Variants in BMP3 observed in about 807,000 individuals in gnomAD.
The protein encoded by BMP3 is bone morphogenetic protein 3 (osteogenic).
Under a neutral mutation model 38.1 loss-of-function variants are expected in BMP3, and 23 were observed. That is an observed-to-expected ratio of 0.60 (90% CI 0.43 to 0.86). The LOEUF is 0.86. Ranked by LOEUF, BMP3 falls within the 40% of genes least tolerant of loss-of-function variation. BMP3 has a pLI of 0.00. For synonymous variants in BMP3, 258 were observed against 225.7 expected, an observed-to-expected ratio of 1.14 and a Z score of -1.28; for missense variants, 628 against 579.6, an observed-to-expected ratio of 1.08 and a Z score of -0.86.
intron 2 of BMP3, 91 bp from the exon 3 acceptor site, chr4:81,053,254 T>C: frequency 1.0e-6 from 1 of 962,454 alleles, no homozygotes. Flanking sequence ...TGAAACAAAT[T>C]CATTAGATAA....
chr4:81,032,203 A>AAC (rs1266110771), intron 1 of BMP3, among the ~76,000 whole-genome samples: 12 of 104,250 alleles, frequency 1.2e-4, no homozygotes, highest in African/African-American at 5.5e-4. Flanking sequence ...GCAAAAAAAA[A>AAC]AAAAAAAAAA....
Position 81,056,677 on chromosome 4 carries a change from C to T in BMP3, c.*3141C>T, listed in dbSNP as rs1310728620. On this transcript the variant is annotated 3_prime_UTR_variant, in exon 3 of 3. Transcript: ENST00000282701. ...AGAACTTAAACTGGAAGACTGGATT[C>T]CTCAGATCTCAGGACTATAACATTC... 1 of 152,558 alleles carries T rather than the reference C, an allele frequency of 6.6e-6. No individual in the cohort carries two copies. Among genetic ancestry groups the T allele is most frequent in the Non-Finnish European group, 1.5e-5 (1 of 68,020 alleles). The allele number at this position is 152,558 out of a possible 1,614,324, so 9.5% of individuals were successfully genotyped here.
At chr4:81,038,090 T>C (rs1219841743) in intron 1 of BMP3, among the ~76,000 whole-genome samples, 1 of 152,208 alleles carries the variant, frequency 6.6e-6, no homozygotes, top group African/African-American at 2.4e-5. Context: ...GAATTGATTA[T>C]CATGTTATTC....
intron 2 of BMP3, among the ~76,000 whole-genome samples, chr4:81,052,275 A>C (rs1279597469): frequency 6.6e-6 from 1 of 152,132 alleles, no homozygotes; most frequent in Non-Finnish European, 1.5e-5. Context: ...TGTGTTTAAA[A>C]CAAAACTACT....
At chr4:81,051,719 A>G (rs1740403373) in intron 2 of BMP3, among the ~76,000 whole-genome samples, 1 of 152,182 alleles carries the variant, frequency 6.6e-6, no homozygotes, top group African/African-American at 2.4e-5. Flanking sequence ...AGGGCATACA[A>G]TGTGCAAAAT....
chr4:81,031,638 G>A (rs1237314000), intron 1 of BMP3, 38 bp downstream of exon 1: 3 of 1,508,652 alleles, frequency 2.0e-6, no homozygotes, highest in Non-Finnish European at 2.6e-6. Context: ...CCGCGGTCCC[G>A]CCCCAGCTTT....
At chr4:81,037,397 C>G (rs1035918959) in intron 1 of BMP3, 12 of 248,854 alleles carry the variant, frequency 4.8e-5, no homozygotes, top group Middle Eastern at 4.3e-4. Context: ...TTACCTAAAG[C>G]TAAGTGTTAG....
In BMP3 at chr4:81,045,678, CAT is replaced by C. The variant is rs953045069; in HGVS notation, c.317-56_317-55del. ...TTCTGATTCATTTTGAGTTAATTGT[CAT>C]ATAGTGAAGTAATGGTCTTGTTTTC... On this transcript the variant is annotated intron_variant, in intron 1 of 2. Transcript: ENST00000282701. The C allele has an allele frequency of 4.4e-6, 6 of 1,352,484 alleles. No individual in the cohort carries two copies. The Admixed American group carries it at 9.4e-5, about 21-fold the overall frequency. 83.8% of individuals were successfully genotyped at this position (1,352,484 alleles called of 1,614,324 possible).
rs1739767315 is a variant in BMP3 at position 81,031,514 on chromosome 4, G to T, written c.230G>T (p.Gly77Val). 1 of 1,612,530 alleles carries T rather than the reference G, an allele frequency of 6.2e-7. No individual in the cohort carries two copies. The change falls in exon 1 of 3, where the codon GGC (glycine) becomes GTC (valine). Residue 77 changes from glycine (G) to valine (V), a missense_variant. By Grantham distance (109) the Gly-to-Val change is moderately radical. Transcript: ENST00000282701. ...ACGGTCCAGGCGGCCCGGACACCGG[G>T]CTCCCTGGAGGGAGGCTCGCAGCCC... ...YSTVQAARTP[G>V]SLEGGSQPWR...
At position 81,047,678 on chromosome 4, in the gene BMP3, G is replaced by A. The variant is rs147508198; in HGVS notation, c.1227+1030G>A. 8.7e-3 allele frequency among the ~76,000 whole-genome samples: 1,318 copies of A among 152,034 alleles called. 22 individuals are homozygous for A. Among genetic ancestry groups the A allele is most frequent in the African/African-American group, 0.03 (1,233 of 41,490 alleles). ...GAAAAAATCCTTTGTCTCAACAAAT[G>A]ACCAACTTCTGCTTATGCATCTCTA... is the stretch of plus-strand genomic sequence containing the variant. On this transcript the variant is annotated intron_variant, in intron 2 of 2. Transcript: ENST00000282701.
rs1739750777 is a variant in BMP3 at position 81,031,274 on chromosome 4, G to C, written c.-11G>C. ...ACGCCGGGAGCCGACGCGCCGCGCG[G>C]GTACCTAGCCATGGCTGGGGCGAGC... On this transcript the variant is annotated 5_prime_UTR_variant, in exon 1 of 3. Coordinates refer to ENST00000282701, the MANE Select transcript of BMP3 (RefSeq NM_001201.5). The C allele has an allele frequency of 1.3e-6, 2 of 1,582,968 alleles. No homozygotes were observed. The highest frequency in any genetic ancestry group is 4.6e-5 in the East Asian group (2 of 43,846).
At chr4:81,052,065 C>T (rs1740410975) in intron 2 of BMP3, among the ~76,000 whole-genome samples, 1 of 151,426 alleles carries the variant, frequency 6.6e-6, no homozygotes. Context: ...TTTGTATATA[C>T]CCTTAAAGTT....
chr4:81,053,571 T>C lies in BMP3; in HGVS notation c.*35T>C, dbSNP rs780000725. ...GAACTCATTTGAATGCTTAATTCAATCATTAGTTTATTTTTATGGACTTCT... is the reference window on the plus strand; with the variant it reads ...GAACTCATTTGAATGCTTAATTCAACCATTAGTTTATTTTTATGGACTTCT... On this transcript the variant is annotated 3_prime_UTR_variant, in exon 3 of 3. Coordinates refer to ENST00000282701, the MANE Select transcript of BMP3 (RefSeq NM_001201.5). 8.4e-7 allele frequency: 1 copy of C among 1,186,924 alleles called. No individual in the cohort carries two copies. Among genetic ancestry groups the C allele is most frequent in the Non-Finnish European group, 1.1e-6 (1 of 891,020 alleles). 73.5% of individuals were successfully genotyped at this position (1,186,924 alleles called of 1,614,324 possible). A position where few individuals can be genotyped will look rare whatever the true frequency, so the allele number is the denominator to read the frequency against.
At chr4:81,050,160 A>C (rs1432238473) in intron 2 of BMP3, among the ~76,000 whole-genome samples, 4 of 152,208 alleles carry the variant, frequency 2.6e-5, no homozygotes, top group African/African-American at 7.2e-5. Context: ...TCCATGGCCC[A>C]GGTCAGGAAT....
Position 81,045,854 on chromosome 4 carries a change from A to G in BMP3, c.433A>G (p.Ser145Gly), listed in dbSNP as rs781373934. ...CIGELGNISL[S>G]CPVSGGCSHH... ...TGGAGAGCTAGGAAACATCAGCCTG[A>G]GTTGTCCAGTGTCTGGAGGATGCTC... Residue 145 changes from serine to glycine, a missense_variant, in exon 2 of 3, where the codon AGT becomes GGT. Coordinates refer to ENST00000282701, the MANE Select transcript of BMP3 (RefSeq NM_001201.5). 1 of 1,614,132 alleles carries G rather than the reference A, an allele frequency of 6.2e-7. No individual in the cohort carries two copies. Among genetic ancestry groups the G allele is most frequent in the South Asian group, 1.1e-5 (1 of 91,082 alleles).
chr4:81,031,600 G>A lies in BMP3; in HGVS notation c.316G>A (p.Glu106Lys). 1 of 1,587,842 alleles carries A rather than the reference G, an allele frequency of 6.3e-7. No homozygotes were observed. Among genetic ancestry groups the A allele is most frequent in the Non-Finnish European group, 8.6e-7 (1 of 1,168,854 alleles). ...TCGCAGCTTTCGGGCGGCAGCAGCAGGTGAGTGCGCGAGGTGAGACTCCCT... is the reference window on the plus strand; with the variant it reads ...TCGCAGCTTTCGGGCGGCAGCAGCAAGTGAGTGCGCGAGGTGAGACTCCCT... ...TVRSFRAAAA[E>K]TLERKGLYIF... The change falls in exon 1 of 3, where the codon GAA becomes AAA. Residue 106 changes from glutamate to lysine, a missense_variant and splice_region_variant. Physicochemically the swap from Glu to Lys is moderately conservative, Grantham distance 56. Transcript: ENST00000282701.
Position 81,031,109 on chromosome 4 carries a change from C to T in BMP3, c.-176C>T. 1 of 660,848 alleles carries T rather than the reference C, an allele frequency of 1.5e-6. No homozygotes were observed. The highest frequency in any genetic ancestry group is 2.5e-6 in the Non-Finnish European group (1 of 403,938). 40.9% of individuals were successfully genotyped at this position (660,848 alleles called of 1,614,324 possible). On this transcript the variant is annotated 5_prime_UTR_variant, in exon 1 of 3. Coordinates refer to ENST00000282701, the MANE Select transcript of BMP3 (RefSeq NM_001201.5). ...GCCCACCTGTCAGGCTGCGCTGGGT[C>T]AGCGCAGCAAGTGGGGCTGGCCGCT... is the stretch of plus-strand genomic sequence containing the variant.
intron 2 of BMP3, among the ~76,000 whole-genome samples, chr4:81,048,245 A>G (rs1740314306): frequency 6.6e-6 from 1 of 152,208 alleles, no homozygotes; most frequent in African/African-American, 2.4e-5. Context: ...CACAACAAAG[A>G]TGACAAATGT....
At chr4:81,052,507 G>T in intron 2 of BMP3, among the ~76,000 whole-genome samples, 1 of 152,152 alleles carries the variant, frequency 6.6e-6, no homozygotes, top group African/African-American at 2.4e-5. Context: ...TCAGGGAAAA[G>T]ATTCTTACTC....
Sources: gnomAD v4.1 joint callset for allele counts (sites outside exome capture counted in the v4.1 genomes callset) on GRCh38, gnomAD v4.1.1 for gene constraint, MANE v1.5 for transcripts, NCBI Gene and HGNC (gene_info 2026-07-23, HGNC 2026-07-21) for gene names.